The following ACVR1 variants were observed in gnomAD, a reference collection of about 807,000 sequenced individuals.
The protein encoded by ACVR1 is activin A receptor type 1.
A neutral mutation model predicts 57.1 loss-of-function variants in ACVR1; 38 were observed. That is an observed-to-expected ratio of 0.67 (90% CI 0.51 to 0.87). The LOEUF (loss-of-function observed/expected upper bound fraction) is 0.87. Among genes scored for constraint, ACVR1 ranks in the 40% least tolerant of loss-of-function variants. The pLI is 0.00. For synonymous variants in ACVR1, 212 were observed against 228.1 expected, an observed-to-expected ratio of 0.93 and a Z score of 0.63; for missense variants, 463 against 638.2, an observed-to-expected ratio of 0.73 and a Z score of 2.96.
chr2:157,821,244 G>A (rs749343019), intron 1 of ACVR1, among the ~76,000 whole-genome samples: 3 of 152,182 alleles, frequency 2.0e-5, no homozygotes, highest in Non-Finnish European at 4.4e-5. Flanking sequence ...CAGTGCTATT[G>A]TTCAGGGGCT....
At chr2:157,797,374 T>C (rs929565365) in intron 3 of ACVR1, among the ~76,000 whole-genome samples, 2 of 152,162 alleles carry the variant, frequency 1.3e-5, no homozygotes, top group Admixed American at 6.5e-5. Context: ...AAGAAGACCA[T>C]ACCCCAAAGA....
chr2:157,760,967 C>T lies in ACVR1; in HGVS notation c.1177G>A (p.Val393Met). The change falls in exon 9 of 11, where the codon GTG becomes ATG. Residue 393 changes from valine to methionine, a missense_variant. By Grantham distance (21) the Val-to-Met change is conservative (BLOSUM62 1). This residue lies in a region of ACVR1 where 146 missense variants were observed against 186.6 expected (regional missense o/e 0.78). Transcript: ENST00000434821. Reference protein sequence around the residue: ...APEVLDETIQVDCFDSYKRVD... With the variant: ...APEVLDETIQMDCFDSYKRVD... ...CTTTTATAAGAATCGAAACAATCCA[C>T]CTGGATGGTTTCATCTAGAACTTCG... 6.2e-7 allele frequency: 1 copy of T among 1,614,130 alleles called. No homozygotes were observed. Among genetic ancestry groups the T allele is most frequent in the Non-Finnish European group, 8.5e-7 (1 of 1,179,992 alleles).
At chr2:157,796,357 G>C (rs1219086318) in intron 3 of ACVR1, among the ~76,000 whole-genome samples, 3 of 152,022 alleles carry the variant, frequency 2.0e-5, no homozygotes, top group Non-Finnish European at 4.4e-5. Context: ...TCGGAGACCA[G>C]CCTGGGCAAC....
chr2:157,806,531 C>T (rs1559068159), intron 2 of ACVR1, among the ~76,000 whole-genome samples: 1 of 152,166 alleles, frequency 6.6e-6, no homozygotes, highest in Admixed American at 6.5e-5. Flanking sequence ...AATAGACTTA[C>T]ATCAACCACC....
chr2:157,771,913 T>C (rs1686083245), intron 6 of ACVR1, among the ~76,000 whole-genome samples: 1 of 152,188 alleles, frequency 6.6e-6, no homozygotes, highest in Non-Finnish European at 1.5e-5. Flanking sequence ...TGAGGCCTAG[T>C]GCTAAGATAC....
chr2:157,744,735 C>T (rs924490077), intron 9 of ACVR1, among the ~76,000 whole-genome samples: 3 of 152,212 alleles, frequency 2.0e-5, no homozygotes, highest in Non-Finnish European at 4.4e-5. Context: ...TAACATACCT[C>T]ACAAGAGGGC....
At chr2:157,773,954 T>G in intron 6 of ACVR1, 134 bp downstream of exon 6, 1 of 736,886 alleles carries the variant, frequency 1.4e-6, no homozygotes, top group Non-Finnish European at 2.3e-6. Flanking sequence ...TCATACAGAA[T>G]AGAGACCACA....
chr2:157,802,574 G>A (rs1428100488), intron 2 of ACVR1, among the ~76,000 whole-genome samples: 1 of 152,102 alleles, frequency 6.6e-6, no homozygotes, highest in Non-Finnish European at 1.5e-5. Context: ...ACATCTGTAC[G>A]TGATGCTCCC....
chr2:157,766,117 C>G lies in ACVR1; in HGVS notation c.870G>C (p.Ser290=). ...WLITHYHEMG[S]LYDYLQLTTL... The stretch of plus-strand genomic sequence containing the variant: ...TAGTAAGCTGAAGATAGTCGTACAA[C>G]GATCCCATTTCATGATAATGTGTAA... Residue 290 remains serine, a synonymous_variant, in exon 8 of 11, where the codon TCG becomes TCC. Coordinates refer to ENST00000434821, the MANE Select transcript of ACVR1 (RefSeq NM_001111067.4). The G allele has an allele frequency of 6.2e-7, 1 of 1,614,016 alleles. No homozygotes were observed. The highest frequency in any genetic ancestry group is 1.1e-5 in the South Asian group (1 of 91,072).
At chr2:157,799,570 C>T (rs1355387122) in intron 2 of ACVR1, 70 bp from the exon 3 acceptor site, 10 of 1,233,664 alleles carry the variant, frequency 8.1e-6, no homozygotes, top group Non-Finnish European at 1.2e-5. Context: ...ATTAAGCATA[C>T]CACCTTCAAA....
At chr2:157,823,214 A>G (rs1574110750) in intron 1 of ACVR1, among the ~76,000 whole-genome samples, 1 of 152,188 alleles carries the variant, frequency 6.6e-6, no homozygotes, top group Non-Finnish European at 1.5e-5. Context: ...CTTGCTTTCA[A>G]CTTGACATCA....
At chr2:157,747,096 A>G (rs923229732) in intron 9 of ACVR1, among the ~76,000 whole-genome samples, 3 of 152,258 alleles carry the variant, frequency 2.0e-5, no homozygotes, top group African/African-American at 4.8e-5. Flanking sequence ...AGGATGTATC[A>G]TTATAATGAC....
At chr2:157,745,924 C>T (rs16842012) in intron 9 of ACVR1, among the ~76,000 whole-genome samples, 2,671 of 152,222 alleles carry the variant, frequency 0.018, 66 homozygotes, top group African/African-American at 0.059. Context: ...AGTAAGTGCA[C>T]CAAATATAAG....
At chr2:157,851,886 CA>C (rs1210995402) in intron 1 of ACVR1, among the ~76,000 whole-genome samples, 1,739 of 6,848 alleles carry the variant, frequency 0.25, 87 homozygotes, top group South Asian at 0.43. Flanking sequence ...CACACACACA[CA>C]CACACACACA....
Position 157,748,479 on chromosome 2 carries a change from G to A in ACVR1, c.1265-9909C>T, listed in dbSNP as rs6713083. Among the ~76,000 whole-genome samples, 998 of 152,194 alleles carry A rather than the reference G, an allele frequency of 6.6e-3. 8 individuals carry two copies. The highest frequency in any genetic ancestry group is 0.022 in the African/African-American group (904 of 41,514). ...GAGGGGGTGAGGAAATGAAGCTGAC[G>A]TGCAATTTCAGGCAAAGTTCAGAAC... On this transcript the variant is annotated intron_variant, in intron 9 of 10. Transcript: ENST00000434821.
At chr2:157,763,995 T>C (rs1685761058) in intron 8 of ACVR1, among the ~76,000 whole-genome samples, 1 of 152,182 alleles carries the variant, frequency 6.6e-6, no homozygotes, top group South Asian at 2.1e-4. Context: ...ACTCCTTCCC[T>C]ACCAAGTCCC....
chr2:157,761,065 A>C lies in ACVR1; in HGVS notation c.1079T>G (p.Met360Arg). ...AAGCTGATTGGTGCTCTGGGAATGC[A>C]TGACTGCCAGGCCTGAAAGGAAGAA... is the stretch of plus-strand genomic sequence containing the variant. ...CCIADLGLAVMHSQSTNQLDV... is the reference protein window; with the variant it reads ...CCIADLGLAVRHSQSTNQLDV... Residue 360 changes from methionine to arginine, a missense_variant, in exon 9 of 11, where the codon ATG becomes AGG. By Grantham distance (91) the Met-to-Arg change is moderately conservative (BLOSUM62 -1). Around this residue, in one of 3 missense-constraint regions of ACVR1, gnomAD observed 114 missense variants for 216.2 expected, o/e 0.53. Coordinates refer to ENST00000434821, the MANE Select transcript of ACVR1 (RefSeq NM_001111067.4). 2 of 1,614,008 alleles carry C rather than the reference A, an allele frequency of 1.2e-6. No individual in the cohort carries two copies. The highest frequency in any genetic ancestry group is 8.5e-7 in the Non-Finnish European group (1 of 1,179,988).
chr2:157,837,131 C>T (rs1306929418), intron 1 of ACVR1, among the ~76,000 whole-genome samples: 1 of 152,216 alleles, frequency 6.6e-6, no homozygotes, highest in East Asian at 1.9e-4. Context: ...AATATCTTTT[C>T]CCTTCCCCAT....
intron 6 of ACVR1, among the ~76,000 whole-genome samples, chr2:157,771,134 T>G (rs1686057475): frequency 6.6e-6 from 1 of 152,224 alleles, no homozygotes; most frequent in Non-Finnish European, 1.5e-5. Flanking sequence ...CATAAAGATT[T>G]CTTGGCGGAA....
Sources: allele counts gnomAD v4.1 joint callset (sites outside exome capture counted in the v4.1 genomes callset), GRCh38; gene constraint gnomAD v4.1.1; regional missense constraint gnomAD v4.1.1; transcripts MANE v1.5; gene names NCBI Gene and HGNC (gene_info 2026-07-23, HGNC 2026-07-21).